The following COL9A1 variants were observed in gnomAD, a reference collection of about 807,000 sequenced individuals.
COL9A1 encodes collagen alpha-1(IX) chain.
COL9A1 carries 104 observed loss-of-function variants against 142.6 expected under a neutral mutation model. The observed-to-expected ratio is 0.73, with a 90% CI of 0.62 to 0.86. The LOEUF is 0.86. COL9A1 is among the 40% of genes least tolerant of loss of function. The probability of loss-of-function intolerance (pLI) is 0.00; values close to 1 mark genes in which losing one functional copy is unlikely to be tolerated. For synonymous variants in COL9A1, 466 were observed against 396.0 expected (o/e 1.18, Z -2.10); for missense variants, 1,210 against 1,176.6 (o/e 1.03, Z -0.42).
At chr6:70,274,109 C>T (rs1772587069) in intron 11 of COL9A1, 27 bp from the exon 12 acceptor site, 1 of 1,569,982 alleles carries the variant, frequency 6.4e-7, no homozygotes, top group South Asian at 1.2e-5. Context: ...TTTCATTGTA[C>T]TGACCTTTCA....
chr6:70,226,069 CT>C, intron 36 of COL9A1, 60 bp from the exon 37 acceptor site: 3 of 1,423,946 alleles, frequency 2.1e-6, no homozygotes, highest in Non-Finnish European at 2.0e-6. Context: ...ACTTCCGCAT[CT>C]TTAAACTTTC....
chr6:70,255,660 G>A (rs1363002438), intron 21 of COL9A1, among the ~76,000 whole-genome samples: 3 of 152,158 alleles, frequency 2.0e-5, no homozygotes, highest in African/African-American at 7.2e-5. Flanking sequence ...AACATATAAT[G>A]GATCCATGCA....
intron 31 of COL9A1, 79 bp from the exon 32 acceptor site, chr6:70,240,812 A>T: frequency 9.4e-7 from 1 of 1,066,924 alleles, no homozygotes; most frequent in Non-Finnish European, 1.5e-6. Context: ...ATTGATAAGC[A>T]TTCATAAGTG....
chr6:70,263,105 G>T, intron 19 of COL9A1, 139 bp downstream of exon 19: 1 of 623,584 alleles, frequency 1.6e-6, no homozygotes, highest in Non-Finnish European at 2.8e-6. Flanking sequence ...ATCCCCCAGT[G>T]CTGGCGTGGT....
chr6:70,256,236 C>T (rs907680880), intron 21 of COL9A1, among the ~76,000 whole-genome samples: 4 of 152,194 alleles, frequency 2.6e-5, no homozygotes, highest in East Asian at 1.9e-4. Flanking sequence ...CTGTCTTTCC[C>T]ATTGGAACAC....
At chr6:70,273,630 T>A (rs936532285) in intron 12 of COL9A1, among the ~76,000 whole-genome samples, 1 of 152,130 alleles carries the variant, frequency 6.6e-6, no homozygotes, top group East Asian at 1.9e-4. Context: ...TGATAATATC[T>A]GATTAGTCGA....
intron 28 of COL9A1, among the ~76,000 whole-genome samples, chr6:70,247,672 A>G (rs989228614): frequency 6.6e-6 from 1 of 152,274 alleles, no homozygotes; most frequent in African/African-American, 2.4e-5. Context: ...GAAAGGTCAT[A>G]TTAGTCCTAC....
intron 37 of COL9A1, among the ~76,000 whole-genome samples, chr6:70,221,410 A>G (rs1768874604): frequency 6.6e-6 from 1 of 152,232 alleles, no homozygotes; most frequent in Non-Finnish European, 1.5e-5. Flanking sequence ...AAGGAATTAT[A>G]AACTGGTTTA....
At chr6:70,268,922 C>T in intron 16 of COL9A1, 62 bp from the exon 17 acceptor site, 2 of 1,422,966 alleles carry the variant, frequency 1.4e-6, no homozygotes, top group African/African-American at 1.4e-5. Context: ...ACTAGGACTC[C>T]CGCTTTGTGA....
chr6:70,216,339 C>T lies in COL9A1; in HGVS notation c.*558G>A, dbSNP rs373018250. ...GGTGAAGAAGGAAACCAATACATGA[C>T]GTAAAGAAATCATTTCGGGAGATGT... On this transcript the variant is annotated 3_prime_UTR_variant, in exon 38 of 38. Coordinates refer to ENST00000357250, the MANE Select transcript of COL9A1 (RefSeq NM_001851.6). 40 of 156,530 alleles carry T rather than the reference C, an allele frequency of 2.6e-4. No individual in the cohort carries two copies. In the South Asian group the frequency reaches 4.7e-3, roughly 18 times the overall value. 9.7% of individuals were successfully genotyped at this position (156,530 alleles called of 1,614,324 possible). A position where few individuals can be genotyped will look rare whatever the true frequency, so the allele number is the denominator to read the frequency against.
intron 4 of COL9A1, 71 bp from the exon 5 acceptor site, chr6:70,294,634 T>C: frequency 6.9e-7 from 1 of 1,458,310 alleles, no homozygotes; most frequent in East Asian, 2.3e-5. Context: ...CACATTCCCT[T>C]TTGAGGCCAT....
chr6:70,267,696 T>C (rs1159310766), intron 17 of COL9A1, among the ~76,000 whole-genome samples: 1 of 152,216 alleles, frequency 6.6e-6, no homozygotes, highest in African/African-American at 2.4e-5. Context: ...GATGAAAATA[T>C]CCCTATCTTT....
chr6:70,274,339 C>A (rs1772608738), intron 11 of COL9A1, among the ~76,000 whole-genome samples: 1 of 152,116 alleles, frequency 6.6e-6, no homozygotes, highest in Non-Finnish European at 1.5e-5. Flanking sequence ...ACTAGCTATT[C>A]TTCCTGATGC....
At chr6:70,270,088 G>A (rs557659092) in intron 15 of COL9A1, among the ~76,000 whole-genome samples, 5 of 152,272 alleles carry the variant, frequency 3.3e-5, no homozygotes, top group Admixed American at 1.3e-4. Context: ...GACTTCAAAA[G>A]TAATGAGTAA....
intron 1 of COL9A1, among the ~76,000 whole-genome samples, chr6:70,302,640 T>A (rs1455961780): frequency 6.6e-6 from 1 of 152,128 alleles, no homozygotes; most frequent in Non-Finnish European, 1.5e-5. Flanking sequence ...TATTTCTTTG[T>A]CTCTGGTTTC....
chr6:70,280,983 C>T (rs776155245), intron 9 of COL9A1, 21 bp downstream of exon 9: 4 of 1,612,530 alleles, frequency 2.5e-6, no homozygotes, highest in African/African-American at 2.7e-5. Context: ...AGTGGAGCGC[C>T]ATATGCTCCA....
chr6:70,226,246 C>T (rs868727699), intron 36 of COL9A1, among the ~76,000 whole-genome samples: 1 of 152,100 alleles, frequency 6.6e-6, no homozygotes, highest in Non-Finnish European at 1.5e-5. Flanking sequence ...CAAAATTGAA[C>T]ATGCATTCTT....
chr6:70,252,221 C>T, intron 27 of COL9A1, 41 bp downstream of exon 27: 1 of 1,614,136 alleles, frequency 6.2e-7, no homozygotes, highest in Non-Finnish European at 8.5e-7. Flanking sequence ...CTACTGATTA[C>T]AACAGGTTAG....
At chr6:70,267,328 T>TTTTTTTTTTTG (rs1554241914) in intron 17 of COL9A1, among the ~76,000 whole-genome samples, 3 of 74,068 alleles carry the variant, frequency 4.1e-5, no homozygotes, top group Non-Finnish European at 8.8e-5. Flanking sequence ...GGTTTTTTTG[T>TTTTTTTTTTTG]TTTTTTTTTT....
Sources: allele counts gnomAD v4.1 joint callset (sites outside exome capture counted in the v4.1 genomes callset), GRCh38; gene constraint gnomAD v4.1.1; transcripts MANE v1.5; gene names NCBI Gene and HGNC (gene_info 2026-07-23, HGNC 2026-07-21).